GPR143: variants seen among roughly 807,000 people sequenced by gnomAD.
The protein encoded by GPR143 is G protein-coupled receptor 143, also known as G-protein coupled receptor 143.
A neutral mutation model predicts 27.6 loss-of-function variants in GPR143; 8 were observed. The observed-to-expected ratio is 0.29, with a 90% CI of 0.17 to 0.52. The LOEUF is 0.52. GPR143 is among the 20% of genes least tolerant of loss of function. The pLI is 0.96. For missense variants in GPR143, 303 were observed against 343.1 expected, an observed-to-expected ratio of 0.88 and a Z score of 0.92; for synonymous variants, 156 against 153.2, an observed-to-expected ratio of 1.02 and a Z score of -0.13.
chrX:9,747,239 T>C (rs897053849), intron 4 of GPR143, among the ~76,000 whole-genome samples: 3 of 109,752 alleles, frequency 2.7e-5, no homozygotes, highest in African/African-American at 1.0e-4. Flanking sequence ...AGAAAGGAAA[T>C]GACAAATAAG....
intron 3 of GPR143, among the ~76,000 whole-genome samples, chrX:9,749,255 C>T (rs768691047): frequency 3.4e-5 from 3 of 88,185 alleles, no homozygotes; most frequent in East Asian, 8.8e-4. Flanking sequence ...GGCCCCCAAT[C>T]GCTCGGCTGC....
At chrX:9,743,421 A>C in intron 6 of GPR143, 144 bp downstream of exon 6, 2 of 475,664 alleles carry the variant, frequency 4.2e-6, no homozygotes, top group Non-Finnish European at 3.7e-6. Flanking sequence ...GCCTTTCCTC[A>C]AAGGGCACCT....
In GPR143 at chrX:9,746,141, G is replaced by A. The variant is rs763910093; in HGVS notation, c.561C>T (p.Gly187=). Residue 187 remains glycine, a synonymous_variant, in exon 5 of 9, where the codon GGC becomes GGT. Coordinates refer to ENST00000467482, the MANE Select transcript of GPR143 (RefSeq NM_000273.3). ...YYPSVSRCER[G]LDHAIPHYVT... is the part of the protein sequence containing the mutation. ...CATAGTGGGGGATGGCGTGGTCCAG[G>A]CCCCGCTCACACCTGAGAGAGGAAA... The A allele has an allele frequency of 6.0e-6, 7 of 1,176,331 alleles. No homozygotes were observed. In the South Asian group the frequency reaches 1.1e-4, roughly 18 times the overall value.
At chrX:9,735,019 A>G (rs776766434) in intron 8 of GPR143, among the ~76,000 whole-genome samples, 1 of 112,090 alleles carries the variant, frequency 8.9e-6, no homozygotes, top group Non-Finnish European at 1.9e-5. Context: ...CAACACCTCG[A>G]CTTGATGAGC....
chrX:9,736,476 G>C (rs1184069564), intron 8 of GPR143, among the ~76,000 whole-genome samples: 1 of 110,980 alleles, frequency 9.0e-6, no homozygotes, highest in Non-Finnish European at 1.9e-5. Context: ...TTTTTAAAGA[G>C]ATGGGGTCTC....
chrX:9,731,797 TGG>T lies in GPR143; in HGVS notation c.1121-5959_1121-5958del, dbSNP rs375275363. 2.5e-4 allele frequency among the ~76,000 whole-genome samples: 17 copies of T among 68,908 alleles called. 1 individual carries two copies. The highest frequency in any genetic ancestry group is 1.1e-3 in the South Asian group (1 of 904). 59.8% of individuals were successfully genotyped at this position (68,908 alleles called of 115,157 possible). On this transcript the variant is annotated intron_variant, in intron 8 of 8. Coordinates refer to ENST00000467482, the MANE Select transcript of GPR143 (RefSeq NM_000273.3). Reference sequence around the variant, plus strand: ...GGGAATTGTGGGCAATATAAGGAATTGGGGGGGGGGGGAAGGAATTGTGGAAG... The same window carrying T: ...GGGAATTGTGGGCAATATAAGGAATTGGGGGGGGGGAAGGAATTGTGGAAG...
upstream of GPR143, among the ~76,000 whole-genome samples, chrX:9,769,581 A>G (rs748644607): frequency 3.9e-4 from 44 of 111,673 alleles, no homozygotes; most frequent in Non-Finnish European, 7.9e-4. Flanking sequence ...AATAAATAAG[A>G]TTTGTTTATT....
intron 3 of GPR143, among the ~76,000 whole-genome samples, chrX:9,757,994 G>A (rs371926706): frequency 9.0e-6 from 1 of 110,630 alleles, no homozygotes; most frequent in Admixed American, 9.7e-5. Context: ...AAACTCCTGG[G>A]CTCAAGCAGT....
intron 3 of GPR143, among the ~76,000 whole-genome samples, chrX:9,752,527 A>T (rs1273400411): frequency 1.8e-5 from 2 of 112,557 alleles, no homozygotes; most frequent in Non-Finnish European, 3.7e-5. Context: ...GTTTGAGATA[A>T]GGAAGTCATC....
upstream of GPR143, among the ~76,000 whole-genome samples, chrX:9,768,436 T>C (rs1388808120): frequency 3.6e-5 from 4 of 111,798 alleles, no homozygotes; most frequent in East Asian, 1.1e-3. Context: ...AAGGCTCTGC[T>C]TCCTGTCTGG....
chrX:9,746,434 C>A (rs1301065534), intron 4 of GPR143, among the ~76,000 whole-genome samples: 1 of 110,089 alleles, frequency 9.1e-6, no homozygotes, highest in Non-Finnish European at 1.9e-5. Flanking sequence ...GGGAAAAGAT[C>A]GGAAAGAAAA....
At chrX:9,751,617 G>C (rs7892509) in intron 3 of GPR143, among the ~76,000 whole-genome samples, 9,603 of 112,303 alleles carry the variant, frequency 0.086, 970 homozygotes, top group African/African-American at 0.29. Flanking sequence ...TGATTGTGCA[G>C]ACATGGGGGT....
chrX:9,733,355 A>G (rs145200106), intron 8 of GPR143, among the ~76,000 whole-genome samples: 2,464 of 111,310 alleles, frequency 0.022, 75 homozygotes, highest in African/African-American at 0.075. Flanking sequence ...GGGAGATTCC[A>G]GGTATTATGG....
At chrX:9,740,979 C>G in intron 7 of GPR143, 1 of 293,971 alleles carries the variant, frequency 3.4e-6, no homozygotes, top group East Asian at 4.8e-5. Context: ...ACAAACAAAA[C>G]AGCCAGCTAG....
At chrX:9,735,728 T>C (rs1206157584) in intron 8 of GPR143, among the ~76,000 whole-genome samples, 1 of 111,910 alleles carries the variant, frequency 8.9e-6, no homozygotes, top group Non-Finnish European at 1.9e-5. Flanking sequence ...AGATACTTAA[T>C]AAAGCTCCAT....
chrX:9,752,672 G>A (rs1209811215), intron 3 of GPR143, among the ~76,000 whole-genome samples: 1 of 111,129 alleles, frequency 9.0e-6, no homozygotes, highest in Admixed American at 9.7e-5. Flanking sequence ...TGGAGGAAAA[G>A]GCCACAAGTC....
At chrX:9,749,312 G>C (rs2083442380) in intron 3 of GPR143, among the ~76,000 whole-genome samples, 1 of 100,084 alleles carries the variant, frequency 1.0e-5, no homozygotes, top group African/African-American at 3.7e-5. Flanking sequence ...TGCCACGATT[G>C]TAAGTTTCCT....
In GPR143 at chrX:9,760,794, A is replaced by G; in HGVS notation, c.283T>C (p.Phe95Leu). 1 of 1,173,616 alleles carries G rather than the reference A, an allele frequency of 8.5e-7. No individual in the cohort carries two copies. The highest frequency in any genetic ancestry group is 1.2e-6 in the Non-Finnish European group (1 of 864,363). ...GAGACGCTGTCAACAAAATTTGGGAATCCTAACCACACGGTGGACCGGATC... is the reference window on the plus strand; with the variant it reads ...GAGACGCTGTCAACAAAATTTGGGAGTCCTAACCACACGGTGGACCGGATC... The part of the protein sequence containing the change: ...MVIRSTVWLG[F>L]PNFVDSVSDM... The change falls in exon 2 of 9, where the codon TTC becomes CTC. Residue 95 changes from phenylalanine (F) to leucine (L), a missense_variant. Phe to Leu is a conservative substitution (Grantham distance 22). Coordinates refer to ENST00000467482, the MANE Select transcript of GPR143 (RefSeq NM_000273.3).
chrX:9,775,050 C>T (rs145516558), intron 1 of GPR143, among the ~76,000 whole-genome samples: 3 of 111,172 alleles, frequency 2.7e-5, no homozygotes, highest in East Asian at 5.7e-4. Flanking sequence ...AATGTAAAGA[C>T]AGGGTCTTAC....
Sources: allele counts gnomAD v4.1 joint callset (sites outside exome capture counted in the v4.1 genomes callset), GRCh38; gene constraint gnomAD v4.1.1; transcripts MANE v1.5; gene names NCBI Gene and HGNC (gene_info 2026-07-23, HGNC 2026-07-21).